CTNND2: variants seen among roughly 807,000 people sequenced by gnomAD.
CTNND2 encodes the protein catenin delta 2.
Under a neutral mutation model 144.4 loss-of-function variants are expected in CTNND2, and 22 were observed. That is an observed-to-expected ratio of 0.15 (90% CI 0.11 to 0.22). CTNND2 has a LOEUF of 0.22. Among genes scored for constraint, CTNND2 ranks in the 10% least tolerant of loss-of-function variants. The pLI, the probability that CTNND2 is intolerant of heterozygous loss-of-function variation, is 1.00. For synonymous variants in CTNND2, 751 were observed against 695.6 expected, an observed-to-expected ratio of 1.08 and a Z score of -1.25; for missense variants, 1,353 against 1,618.8, an observed-to-expected ratio of 0.84 and a Z score of 2.82.
intron 1 of CTNND2, among the ~76,000 whole-genome samples, chr5:11,753,881 T>G (rs2126790779): frequency 6.6e-6 from 1 of 151,902 alleles, no homozygotes; most frequent in East Asian, 1.9e-4. Context: ...TTGCAATTTC[T>G]TCCTTTTCTC....
chr5:11,741,072 A>C (rs1001930687), intron 1 of CTNND2, among the ~76,000 whole-genome samples: 2 of 152,162 alleles, frequency 1.3e-5, no homozygotes, highest in Non-Finnish European at 1.5e-5. Context: ...GAAACAACAG[A>C]TGCTGGAGAG....
At chr5:11,693,615 C>G (rs566305197) in intron 2 of CTNND2, among the ~76,000 whole-genome samples, 1 of 152,296 alleles carries the variant, frequency 6.6e-6, no homozygotes, top group East Asian at 1.9e-4. Context: ...TCAATGAGGA[C>G]AGGGCTGTTT....
intron 2 of CTNND2, among the ~76,000 whole-genome samples, chr5:11,713,575 C>A: frequency 8.3e-6 from 1 of 120,540 alleles, no homozygotes. Context: ...CAGAGTGAGA[C>A]TCCATCTCAA....
intron 15 of CTNND2, among the ~76,000 whole-genome samples, chr5:11,093,269 A>G (rs1190694137): frequency 1.3e-5 from 2 of 152,248 alleles, no homozygotes; most frequent in East Asian, 3.8e-4. Flanking sequence ...GCTCAAGTAC[A>G]ATAGAAATAA....
intron 9 of CTNND2, among the ~76,000 whole-genome samples, chr5:11,327,683 G>A (rs1423033710): frequency 1.3e-5 from 2 of 152,116 alleles, no homozygotes; most frequent in African/African-American, 4.8e-5. Context: ...GTCATAGCTT[G>A]GTTTCTAACT....
At chr5:11,043,811 T>A (rs1186951287) in intron 16 of CTNND2, among the ~76,000 whole-genome samples, 1 of 152,158 alleles carries the variant, frequency 6.6e-6, no homozygotes, top group African/African-American at 2.4e-5. Context: ...AAAGATTTGA[T>A]GAGTAAAAGA....
At chr5:11,177,999 G>T (rs949395079) in intron 11 of CTNND2, among the ~76,000 whole-genome samples, 1 of 152,138 alleles carries the variant, frequency 6.6e-6, no homozygotes, top group Non-Finnish European at 1.5e-5. Context: ...TGATATTCTG[G>T]CAGTGGTGTT....
intron 1 of CTNND2, among the ~76,000 whole-genome samples, chr5:11,852,838 C>T (rs867352768): frequency 2.6e-5 from 4 of 152,256 alleles, no homozygotes; most frequent in Admixed American, 1.3e-4. Context: ...TGGAAATGAA[C>T]AATAGGAAAC....
chr5:11,603,659 G>A (rs1237965498), intron 2 of CTNND2, among the ~76,000 whole-genome samples: 1 of 152,144 alleles, frequency 6.6e-6, no homozygotes, highest in South Asian at 2.1e-4. Flanking sequence ...AAAAGGCAAG[G>A]CTATATGACA....
chr5:11,334,608 C>T (rs986526555), intron 9 of CTNND2, among the ~76,000 whole-genome samples: 1 of 152,220 alleles, frequency 6.6e-6, no homozygotes, highest in Non-Finnish European at 1.5e-5. Context: ...TCATATGTAA[C>T]TAACTTGTGT....
At chr5:11,295,738 T>C (rs1477427500) in intron 9 of CTNND2, among the ~76,000 whole-genome samples, 21 of 152,148 alleles carry the variant, frequency 1.4e-4, no homozygotes, top group Non-Finnish European at 1.0e-4. Context: ...GGGGAAAGGA[T>C]TCCCTATTTA....
At chr5:11,585,316 C>T (rs906093837) in intron 2 of CTNND2, among the ~76,000 whole-genome samples, 14 of 152,074 alleles carry the variant, frequency 9.2e-5, no homozygotes, top group African/African-American at 2.7e-4. Flanking sequence ...AGAGAGAATA[C>T]GGGGTTGCAA....
At chr5:11,103,621 G>A (rs1752131242) in intron 14 of CTNND2, among the ~76,000 whole-genome samples, 1 of 151,928 alleles carries the variant, frequency 6.6e-6, no homozygotes, top group Admixed American at 6.5e-5. Context: ...AGTGGGCCAA[G>A]ATGGCGCCAT....
At chr5:11,855,200 G>C (rs962335047) in intron 1 of CTNND2, among the ~76,000 whole-genome samples, 1 of 152,178 alleles carries the variant, frequency 6.6e-6, no homozygotes, top group Non-Finnish European at 1.5e-5. Flanking sequence ...CCCACAGGTT[G>C]AAACAGGGAC....
intron 2 of CTNND2, among the ~76,000 whole-genome samples, chr5:11,644,185 G>GA (rs1304810394): frequency 2.6e-5 from 4 of 151,784 alleles, no homozygotes; most frequent in African/African-American, 4.8e-5. Flanking sequence ...AAGAAAAAGT[G>GA]AAAAAAAACC....
At chr5:11,540,599 CT>C (rs905084700) in intron 3 of CTNND2, among the ~76,000 whole-genome samples, 3 of 152,156 alleles carry the variant, frequency 2.0e-5, no homozygotes, top group Non-Finnish European at 4.4e-5. Context: ...TCACTGCTAC[CT>C]CTGCCTCCTG....
chr5:11,859,523 C>A (rs1219525702), intron 1 of CTNND2, among the ~76,000 whole-genome samples: 1 of 152,134 alleles, frequency 6.6e-6, no homozygotes, highest in Non-Finnish European at 1.5e-5. Context: ...TATGTCTACA[C>A]GGCTCTGGGG....
At chr5:11,852,588 G>C (rs1256880261) in intron 1 of CTNND2, among the ~76,000 whole-genome samples, 2 of 152,112 alleles carry the variant, frequency 1.3e-5, no homozygotes, top group African/African-American at 2.4e-5. Flanking sequence ...GATCCAAACA[G>C]TATCCAGTTC....
intron 16 of CTNND2, among the ~76,000 whole-genome samples, chr5:11,033,180 A>G (rs574632236): frequency 1.3e-5 from 2 of 152,354 alleles, no homozygotes; most frequent in East Asian, 3.9e-4. Context: ...GCTGACAAAA[A>G]GGTGTTAATA....
Sources: gnomAD v4.1 joint callset for allele counts (sites outside exome capture counted in the v4.1 genomes callset) on GRCh38, gnomAD v4.1.1 for gene constraint, MANE v1.5 for transcripts, NCBI Gene and HGNC (gene_info 2026-07-23, HGNC 2026-07-21) for gene names.